Variants in CDHR2 observed in about 807,000 individuals in gnomAD.
CDHR2 encodes cadherin related family member 2.
In CDHR2, 104 loss-of-function variants were observed where a neutral mutation model predicts 138.6. That is an observed-to-expected ratio of 0.75 (90% CI 0.64 to 0.88). The LOEUF (loss-of-function observed/expected upper bound fraction) is 0.88. Ranked by LOEUF, CDHR2 falls within the 40% of genes least tolerant of loss-of-function variation. CDHR2 has a pLI of 0.00. For missense variants in CDHR2, 1,624 were observed against 1,727.6 expected, an observed-to-expected ratio of 0.94 and a Z score of 1.06; for synonymous variants, 755 against 742.8, an observed-to-expected ratio of 1.02 and a Z score of -0.27.
At chr5:176,588,755 G>T (rs1034185252) in intron 21 of CDHR2, among the ~76,000 whole-genome samples, 1 of 152,038 alleles carries the variant, frequency 6.6e-6, no homozygotes, top group Non-Finnish European at 1.5e-5. Flanking sequence ...CAGTGGAGGG[G>T]TGTAGGGGGA....
At chr5:176,586,608 G>C in intron 20 of CDHR2, 185 bp from the exon 21 acceptor site, 4 of 596,702 alleles carry the variant, frequency 6.7e-6, no homozygotes, top group Non-Finnish European at 1.2e-5. Context: ...GACCTCACCT[G>C]TGACAATGGG....
At chr5:176,564,590 C>T (rs764112075) in intron 1 of CDHR2, among the ~76,000 whole-genome samples, 4 of 152,176 alleles carry the variant, frequency 2.6e-5, no homozygotes, top group Admixed American at 2.0e-4. Context: ...CGGCTTGCAA[C>T]ATAAGATGAT....
Position 176,574,066 on chromosome 5 carries a change from C to A in CDHR2, c.406-17C>A. The A allele has an allele frequency of 6.2e-7, 1 of 1,604,528 alleles. No homozygotes were observed. The highest frequency in any genetic ancestry group is 8.5e-7 in the Non-Finnish European group (1 of 1,172,170). On this transcript the variant is annotated splice_polypyrimidine_tract_variant and intron_variant, in intron 6 of 31. Transcript: ENST00000261944. ...GAGCTGGATTTGAGCTCATAGGTGA[C>A]GAGTCCCTCCCTGCAGACCCTGCCC...
chr5:176,544,497 T>A (rs1283006911), upstream of CDHR2, among the ~76,000 whole-genome samples: 1 of 150,760 alleles, frequency 6.6e-6, no homozygotes, highest in Non-Finnish European at 1.5e-5. Context: ...TGGAGTGCAG[T>A]GGCGCGATCT....
Position 176,581,548 on chromosome 5 carries a change from T to C in CDHR2, c.2024T>C (p.Leu675Pro), listed in dbSNP as rs759335661. Residue 675 changes from leucine to proline, a missense_variant, in exon 17 of 32, where the codon CTC (leucine) becomes CCC (proline). Coordinates refer to ENST00000261944, the MANE Select transcript of CDHR2 (RefSeq NM_017675.6). ...VLVSDCGEPV[L>P]GTKVNVTITV... is the part of the protein sequence containing the mutation. ...GTGTCTGACTGCGGCGAGCCTGTCC[T>C]CGGCACCAAAGTCAATGTCACCATC... 1.2e-6 allele frequency: 2 copies of C among 1,614,046 alleles called. No homozygotes were observed. Among genetic ancestry groups the C allele is most frequent in the South Asian group, 1.1e-5 (1 of 91,088 alleles).
intron 16 of CDHR2, 51 bp from the exon 17 acceptor site, chr5:176,581,292 G>A (rs763584583): frequency 1.2e-6 from 2 of 1,601,818 alleles, no homozygotes; most frequent in Non-Finnish European, 1.7e-6. Context: ...CGGAGGGGCT[G>A]GGGGCTGGGA....
At chr5:176,580,148 A>ACACACACACTCACACACGCACT (rs377345780) in intron 16 of CDHR2, among the ~76,000 whole-genome samples, 2 of 151,478 alleles carry the variant, frequency 1.3e-5, no homozygotes, top group African/African-American at 4.9e-5. Flanking sequence ...ACACGCACTC[A>ACACACACACTCACACACGCACT]CACACACACT....
rs1328018069 is a variant in CDHR2 at position 176,589,145 on chromosome 5, A to G, written c.2971A>G (p.Thr991Ala). 4 of 1,613,512 alleles carry G rather than the reference A, an allele frequency of 2.5e-6. No individual in the cohort carries two copies. The highest frequency in any genetic ancestry group is 2.2e-5 in the East Asian group (1 of 44,858). ...IPFQGVFSIFTSSEADVFAGS... is the reference protein window; with the variant it reads ...IPFQGVFSIFASSEADVFAGS... ...TTTCCAGGGTGTCTTCTCGATCTTCACCTCCTCCGAGGCCGACGTGTTCGC... is the reference window on the plus strand; with the variant it reads ...TTTCCAGGGTGTCTTCTCGATCTTCGCCTCCTCCGAGGCCGACGTGTTCGC... The change falls in exon 22 of 32, where the codon ACC (threonine) becomes GCC (alanine). Residue 991 changes from threonine to alanine, a missense_variant. Physicochemically the swap from Thr to Ala is moderately conservative, Grantham distance 58. Coordinates refer to ENST00000261944, the MANE Select transcript of CDHR2 (RefSeq NM_017675.6).
chr5:176,577,296 C>G, intron 12 of CDHR2, 103 bp from the exon 13 acceptor site: 1 of 1,284,920 alleles, frequency 7.8e-7, no homozygotes, highest in Admixed American at 2.4e-5. Context: ...TCCATGGGAC[C>G]TCATCGGGCG....
At chr5:176,587,331 C>G (rs1489858184) in intron 21 of CDHR2, among the ~76,000 whole-genome samples, 2 of 152,066 alleles carry the variant, frequency 1.3e-5, no homozygotes, top group Non-Finnish European at 2.9e-5. Context: ...GCCTGTAATC[C>G]CAGCTACTTG....
chr5:176,579,165 G>A lies in CDHR2; in HGVS notation c.1818+557G>A, dbSNP rs1020816247. Among the ~76,000 whole-genome samples the A allele has an allele frequency of 2.6e-4, 40 of 152,178 alleles. 1 individual carries two copies. The highest frequency in any genetic ancestry group is 5.9e-4 in the Admixed American group (9 of 15,266). On this transcript the variant is annotated intron_variant, in intron 16 of 31. Transcript: ENST00000261944. ...ACACCGGGGAGTAGCTTCCTCCCTC[G>A]TCCTGAGGAGTTCGGAAGCTTCGCC...
At chr5:176,585,894 C>A in intron 19 of CDHR2, 60 bp from the exon 20 acceptor site, 1 of 1,337,438 alleles carries the variant, frequency 7.5e-7, no homozygotes, top group Non-Finnish European at 1.1e-6. Context: ...AGGGTTGAGG[C>A]CCAGGCTCTT....
At chr5:176,588,008 T>G (rs188042151) in intron 21 of CDHR2, among the ~76,000 whole-genome samples, 1 of 152,330 alleles carries the variant, frequency 6.6e-6, no homozygotes, top group East Asian at 1.9e-4. Context: ...TCCTTAACAG[T>G]AACGTTGGTG....
chr5:176,557,208 G>A (rs1201995844), intron 1 of CDHR2, among the ~76,000 whole-genome samples: 1 of 149,858 alleles, frequency 6.7e-6, no homozygotes, highest in Non-Finnish European at 1.5e-5. Context: ...TTGTTGTTTT[G>A]CTTTTTTTGT....
chr5:176,581,658 T>G (rs571611012), intron 17 of CDHR2, 76 bp downstream of exon 17: 3 of 1,560,614 alleles, frequency 1.9e-6, no homozygotes, highest in African/African-American at 2.7e-5. Context: ...TGAGTCACAC[T>G]TCTGCCCTCT....
At chr5:176,555,986 A>G (rs777674819) in intron 1 of CDHR2, among the ~76,000 whole-genome samples, 7 of 152,136 alleles carry the variant, frequency 4.6e-5, no homozygotes, top group Admixed American at 6.5e-5. Flanking sequence ...CCTGTGTCTC[A>G]TAGGGTGGAG....
chr5:176,590,378 T>C, intron 26 of CDHR2, 47 bp from the exon 27 acceptor site: 1 of 1,614,164 alleles, frequency 6.2e-7, no homozygotes, highest in Non-Finnish European at 8.5e-7. Context: ...GCAGGAAGCC[T>C]GGGGTGTGCC....
chr5:176,580,756 A>T (rs898212473), intron 16 of CDHR2, among the ~76,000 whole-genome samples: 3 of 152,112 alleles, frequency 2.0e-5, no homozygotes, highest in African/African-American at 7.2e-5. Flanking sequence ...GGGTGCCTGT[A>T]ATCCCAGCTA....
Position 176,575,376 on chromosome 5 carries a change from C to T in CDHR2, c.718C>T (p.Gln240Ter). The stretch of plus-strand genomic sequence containing the variant: ...GGTGGACCAGCCTGACCTTGACCCC[C>T]AGTTTGTCAGGGAGTTTTACTCGGC... ...SVVDQPDLDP[Q>*]FVREFYSASV... The change falls in exon 9 of 32, where the codon CAG becomes TAG. Residue 240 changes from glutamine to a stop codon, truncating the protein, a stop_gained. Transcript: ENST00000261944. LOFTEE classifies it high-confidence loss of function. 1 of 1,614,264 alleles carries T rather than the reference C, an allele frequency of 6.2e-7. No homozygotes were observed. Among genetic ancestry groups the T allele is most frequent in the Non-Finnish European group, 8.5e-7 (1 of 1,180,050 alleles).
Sources: gnomAD v4.1 joint callset for allele counts (sites outside exome capture counted in the v4.1 genomes callset) on GRCh38, gnomAD v4.1.1 for gene constraint, MANE v1.5 for transcripts, NCBI Gene and HGNC (gene_info 2026-07-23, HGNC 2026-07-21) for gene names.